The following ACVR1C variants were observed in gnomAD, a reference collection of about 807,000 sequenced individuals.
ACVR1C encodes activin A receptor type 1C, also known as activin receptor type-1C.
ACVR1C carries 23 observed loss-of-function variants against 57.9 expected under a neutral mutation model. The ratio of observed to expected loss-of-function variants is 0.40; its 90% CI spans 0.29 to 0.56. The LOEUF is 0.56. Ranked by LOEUF, ACVR1C falls within the 20% of genes least tolerant of loss-of-function variation. The pLI is 0.50. For synonymous variants in ACVR1C, 214 were observed against 215.3 expected (o/e 0.99, Z 0.05); for missense variants, 480 against 607.9 (o/e 0.79, Z 2.21).
chr2:157,552,381 C>T (rs773764428), intron 3 of ACVR1C, among the ~76,000 whole-genome samples: 6 of 152,208 alleles, frequency 3.9e-5, no homozygotes, highest in Non-Finnish European at 7.3e-5. Context: ...GATCCACCTG[C>T]CTCGGCCTCC....
At chr2:157,586,659 G>A (rs1217564679) in intron 2 of ACVR1C, among the ~76,000 whole-genome samples, 1 of 152,108 alleles carries the variant, frequency 6.6e-6, no homozygotes, top group Non-Finnish European at 1.5e-5. Flanking sequence ...GAACAATGAT[G>A]AAGGGTCGAA....
At chr2:157,550,689 T>C (rs1687892832) in intron 3 of ACVR1C, among the ~76,000 whole-genome samples, 1 of 151,242 alleles carries the variant, frequency 6.6e-6, no homozygotes, top group Admixed American at 6.6e-5. Context: ...CTCCTTCATT[T>C]GCCCATCAAA....
chr2:157,593,421 C>T (rs1413306247), intron 1 of ACVR1C, among the ~76,000 whole-genome samples: 1 of 152,160 alleles, frequency 6.6e-6, no homozygotes, highest in African/African-American at 2.4e-5. Context: ...AAACATCTGA[C>T]ATAAACTCTT....
intron 1 of ACVR1C, among the ~76,000 whole-genome samples, chr2:157,621,867 C>T (rs1682782250): frequency 1.3e-5 from 2 of 152,158 alleles, no homozygotes; most frequent in South Asian, 4.1e-4. Context: ...AGCTCCTCTA[C>T]CTTTATCCTT....
Position 157,527,859 on chromosome 2 carries a change from C to T in ACVR1C, c.*6059G>A, listed in dbSNP as rs1687265106. The T allele has an allele frequency of 2.0e-5, 3 of 152,116 alleles. No homozygotes were observed. Among genetic ancestry groups the T allele is most frequent in the Admixed American group, 1.3e-4 (2 of 15,262 alleles). The allele number at this position is 152,116 out of a possible 1,614,324, so 9.4% of individuals were successfully genotyped here. A position where few individuals can be genotyped will look rare whatever the true frequency, so the allele number is the denominator to read the frequency against. On this transcript the variant is annotated 3_prime_UTR_variant, in exon 9 of 9. Coordinates refer to ENST00000243349, the MANE Select transcript of ACVR1C (RefSeq NM_145259.3). ...ACAATCCTCTCTTTACAGGCAAAGT[C>T]AGTAATTAGCTCCATGCATAGAATG...
Position 157,526,886 on chromosome 2 carries a change from T to C in ACVR1C, c.*7032A>G, listed in dbSNP as rs1478380936. ...AAACAATACATTTTCAGAAAATGCA[T>C]ACATAAAAATATAACATTTAGGCAG... is the stretch of plus-strand genomic sequence containing the variant. On this transcript the variant is annotated 3_prime_UTR_variant, in exon 9 of 9. Coordinates refer to ENST00000243349, the MANE Select transcript of ACVR1C (RefSeq NM_145259.3). The C allele has an allele frequency of 1.3e-5, 2 of 152,164 alleles. No individual in the cohort carries two copies. The highest frequency in any genetic ancestry group is 4.8e-5 in the African/African-American group (2 of 41,444). 9.4% of individuals were successfully genotyped at this position (152,164 alleles called of 1,614,324 possible). A position where few individuals can be genotyped will look rare whatever the true frequency, so the allele number is the denominator to read the frequency against.
At chr2:157,535,746 G>T (rs543486928) in intron 8 of ACVR1C, among the ~76,000 whole-genome samples, 2 of 152,232 alleles carry the variant, frequency 1.3e-5, no homozygotes, top group South Asian at 4.1e-4. Context: ...TCATGCCACT[G>T]TACTCCAGCC....
chr2:157,562,730 C>T (rs1271348837), intron 2 of ACVR1C, among the ~76,000 whole-genome samples: 2 of 152,106 alleles, frequency 1.3e-5, no homozygotes, highest in Non-Finnish European at 1.5e-5. Flanking sequence ...CAATAAAATA[C>T]TGCTAAGCAA....
chr2:157,552,546 C>T (rs1013471557), intron 3 of ACVR1C, among the ~76,000 whole-genome samples: 41 of 152,284 alleles, frequency 2.7e-4, no homozygotes, highest in African/African-American at 9.4e-4. Flanking sequence ...TCCTGCTAAC[C>T]TATAGTCTTA....
chr2:157,577,936 A>G (rs1197976515), intron 2 of ACVR1C, among the ~76,000 whole-genome samples: 2 of 151,964 alleles, frequency 1.3e-5, no homozygotes, highest in Non-Finnish European at 2.9e-5. Context: ...GCTGGAGTGC[A>G]GTGGCAGCCA....
intron 2 of ACVR1C, among the ~76,000 whole-genome samples, chr2:157,563,444 C>T (rs1382993522): frequency 6.6e-6 from 1 of 152,134 alleles, no homozygotes; most frequent in Non-Finnish European, 1.5e-5. Context: ...GAACTACAAA[C>T]CACTGCTCAA....
At chr2:157,552,132 G>A (rs1294698523) in intron 3 of ACVR1C, among the ~76,000 whole-genome samples, 1 of 151,784 alleles carries the variant, frequency 6.6e-6, no homozygotes, top group African/African-American at 2.4e-5. Flanking sequence ...GGTTTGTTTT[G>A]TTTGTTTGTT....
chr2:157,553,930 C>G (rs1230976198), intron 3 of ACVR1C, among the ~76,000 whole-genome samples: 2 of 151,764 alleles, frequency 1.3e-5, no homozygotes, highest in Non-Finnish European at 2.9e-5. Context: ...CACCTGTAAT[C>G]CCAGCACTTT....
chr2:157,599,557 C>T (rs1015940884), intron 1 of ACVR1C, among the ~76,000 whole-genome samples: 1 of 152,066 alleles, frequency 6.6e-6, no homozygotes, highest in African/African-American at 2.4e-5. Flanking sequence ...CAAATCTTAA[C>T]ACTGTATTTG....
intron 2 of ACVR1C, among the ~76,000 whole-genome samples, chr2:157,585,458 T>A (rs575093157): frequency 2.0e-5 from 3 of 152,294 alleles, no homozygotes; most frequent in African/African-American, 7.2e-5. Context: ...ACAGTTGGGC[T>A]GGGAAGGACC....
At chr2:157,620,349 T>C (rs1172035850) in intron 1 of ACVR1C, among the ~76,000 whole-genome samples, 19 of 151,926 alleles carry the variant, frequency 1.3e-4, no homozygotes, top group Non-Finnish European at 7.4e-5. Context: ...CAAGCAAATG[T>C]CCACAGAATA....
chr2:157,572,508 A>C (rs1290906553), intron 2 of ACVR1C, among the ~76,000 whole-genome samples: 1 of 152,178 alleles, frequency 6.6e-6, no homozygotes, highest in African/African-American at 2.4e-5. Flanking sequence ...TATAGCTTAC[A>C]TATAGCTCAA....
intron 2 of ACVR1C, among the ~76,000 whole-genome samples, chr2:157,566,696 G>C (rs1002622877): frequency 6.6e-6 from 1 of 151,666 alleles, no homozygotes. Flanking sequence ...CCCACACCTG[G>C]CTCAGAGGGT....
chr2:157,616,088 C>T (rs1447872663), intron 1 of ACVR1C, among the ~76,000 whole-genome samples: 1 of 152,108 alleles, frequency 6.6e-6, no homozygotes, highest in Non-Finnish European at 1.5e-5. Context: ...ACCAATATCT[C>T]TTCAACTATT....
Sources: allele counts gnomAD v4.1 joint callset (sites outside exome capture counted in the v4.1 genomes callset), GRCh38; gene constraint gnomAD v4.1.1; transcripts MANE v1.5; gene names NCBI Gene and HGNC (gene_info 2026-07-23, HGNC 2026-07-21).